The following GALNTL6 variants were observed in gnomAD, a reference collection of about 807,000 sequenced individuals.
GALNTL6 encodes polypeptide N-acetylgalactosaminyltransferase like 6.
GALNTL6 carries 46 observed loss-of-function variants against 73.7 expected under a neutral mutation model. That is an observed-to-expected ratio of 0.62 (90% CI 0.49 to 0.80). The LOEUF (loss-of-function observed/expected upper bound fraction) is 0.80, where lower values mean the gene tolerates loss of function less well. GALNTL6 is among the 30% of genes least tolerant of loss of function. The pLI, the probability that GALNTL6 is intolerant of heterozygous loss-of-function variation, is 0.00. For synonymous variants in GALNTL6, 259 were observed against 263.7 expected (o/e 0.98, Z 0.17); for missense variants, 604 against 755.0 (o/e 0.80, Z 2.34).
chr4:172,639,551 C>G lies in GALNTL6; in HGVS notation c.554-169810C>G, dbSNP rs188365001. Among the ~76,000 whole-genome samples, 370 of 152,230 alleles carry G rather than the reference C, an allele frequency of 2.4e-3. 2 individuals are homozygous for G. The highest frequency in any genetic ancestry group is 3.4e-3 in the Middle Eastern group (1 of 294). On this transcript the variant is annotated intron_variant, in intron 5 of 12. Coordinates refer to ENST00000506823, the MANE Select transcript of GALNTL6 (RefSeq NM_001034845.3). ...GTTTCTTTTCAAACAATGTTCATTA[C>G]CCCTAGAGAATCCCTAATATTGTCA...
intron 5 of GALNTL6, among the ~76,000 whole-genome samples, chr4:172,774,054 A>C (rs1369671750): frequency 6.6e-6 from 1 of 152,218 alleles, no homozygotes; most frequent in African/African-American, 2.4e-5. Context: ...GTGAAAGTTC[A>C]AGATCCTCTT....
Position 172,524,240 on chromosome 4 carries a change from C to CATTTATTT in GALNTL6, c.553+175568_553+175575dup, listed in dbSNP as rs551492279. Among the ~76,000 whole-genome samples the CATTTATTT allele has an allele frequency of 8.1e-3, 1,223 of 150,136 alleles. 8 individuals carry two copies. Among genetic ancestry groups the CATTTATTT allele is most frequent in the African/African-American group, 0.028 (1,161 of 40,844 alleles). ...TTTATTTTTATTTTTATTTTTTGCTCATTTATTTATTTATTTATTTATTTT... is the reference window on the plus strand; with the variant it reads ...TTTATTTTTATTTTTATTTTTTGCTCATTTATTTATTTATTTATTTATTTATTTATTTT... On this transcript the variant is annotated intron_variant, in intron 5 of 12. Coordinates refer to ENST00000506823, the MANE Select transcript of GALNTL6 (RefSeq NM_001034845.3).
chr4:172,964,374 T>C (rs1750229079), intron 10 of GALNTL6, among the ~76,000 whole-genome samples: 1 of 152,234 alleles, frequency 6.6e-6, no homozygotes, highest in South Asian at 2.1e-4. Context: ...CAAACGTGTC[T>C]TTTCCAACCA....
rs547352410 is a variant in GALNTL6, at chr4:172,977,758, C to T, written c.1371+25500C>T. Among the ~76,000 whole-genome samples, 8 of 152,180 alleles carry T rather than the reference C, an allele frequency of 5.3e-5. No individual in the cohort carries two copies. In the South Asian group the frequency reaches 1.2e-3, roughly 24 times the overall value. On this transcript the variant is annotated intron_variant, in intron 10 of 12. Transcript: ENST00000506823. ...TAGGAAGCATGTTCTGGGTGGTCCT[C>T]TGGGTGCACATGTGCAGTAGCTGTA...
intron 5 of GALNTL6, among the ~76,000 whole-genome samples, chr4:172,648,172 A>G (rs937455833): frequency 6.6e-6 from 1 of 152,120 alleles, no homozygotes; most frequent in Non-Finnish European, 1.5e-5. Flanking sequence ...CAGACTGGCT[A>G]TCTGCTGGCT....
chr4:172,959,031 T>C (rs953748759), intron 10 of GALNTL6, among the ~76,000 whole-genome samples: 6 of 151,850 alleles, frequency 4.0e-5, no homozygotes, highest in Non-Finnish European at 8.8e-5. Context: ...GTATGGAGAG[T>C]TTATAGGCTT....
intron 2 of GALNTL6, among the ~76,000 whole-genome samples, chr4:171,820,072 G>A (rs914069376): frequency 3.3e-5 from 5 of 151,962 alleles, no homozygotes; most frequent in African/African-American, 1.2e-4. Context: ...ATGCTTGAAT[G>A]GACAACAAAA....
At chr4:172,763,636 C>G (rs1029847461) in intron 5 of GALNTL6, among the ~76,000 whole-genome samples, 1 of 152,218 alleles carries the variant, frequency 6.6e-6, no homozygotes, top group Non-Finnish European at 1.5e-5. Flanking sequence ...GGCATCGTAT[C>G]TATGGAGCTT....
chr4:172,054,480 A>T (rs768649144), intron 2 of GALNTL6, among the ~76,000 whole-genome samples: 10 of 152,158 alleles, frequency 6.6e-5, no homozygotes, highest in Non-Finnish European at 1.3e-4. Context: ...GAGGCTAGGA[A>T]GTCTAAGATC....
intron 5 of GALNTL6, among the ~76,000 whole-genome samples, chr4:172,365,946 G>A (rs1302939522): frequency 1.3e-5 from 2 of 151,986 alleles, no homozygotes; most frequent in African/African-American, 4.8e-5. Context: ...TTATATAACT[G>A]TAAAAAAGCA....
chr4:172,503,508 G>A (rs993992965), intron 5 of GALNTL6, among the ~76,000 whole-genome samples: 2 of 105,258 alleles, frequency 1.9e-5, no homozygotes, highest in East Asian at 5.4e-4. Flanking sequence ...TATCTAGTTT[G>A]AACATGTACA....
At chr4:171,833,715 G>C (rs1471719371) in intron 2 of GALNTL6, among the ~76,000 whole-genome samples, 1 of 151,682 alleles carries the variant, frequency 6.6e-6, no homozygotes, top group African/African-American at 2.4e-5. Context: ...TTGGTGTATG[G>C]GTTTATATTA....
At chr4:171,878,801 C>A (rs1461584062) in intron 2 of GALNTL6, among the ~76,000 whole-genome samples, 1 of 152,084 alleles carries the variant, frequency 6.6e-6, no homozygotes, top group Non-Finnish European at 1.5e-5. Context: ...ATCTTGGGGG[C>A]AGTTTCTCAT....
intron 2 of GALNTL6, among the ~76,000 whole-genome samples, chr4:171,875,634 C>T (rs906968531): frequency 3.9e-5 from 6 of 151,970 alleles, no homozygotes; most frequent in Non-Finnish European, 8.8e-5. Context: ...CATTTTGCCC[C>T]GTTTCCCTTC....
intron 7 of GALNTL6, among the ~76,000 whole-genome samples, chr4:172,822,410 T>C (rs1741982066): frequency 6.6e-6 from 1 of 152,192 alleles, no homozygotes; most frequent in Admixed American, 6.5e-5. Flanking sequence ...TCATCCATCC[T>C]GAAAGAGGTG....
intron 5 of GALNTL6, among the ~76,000 whole-genome samples, chr4:172,426,916 TTA>T (rs35184907): frequency 3.6e-3 from 533 of 149,238 alleles, no homozygotes; most frequent in East Asian, 0.025. Flanking sequence ...GTAAGGACTC[TTA>T]TATATATATA....
At chr4:172,760,128 G>A (rs892149925) in intron 5 of GALNTL6, among the ~76,000 whole-genome samples, 11 of 151,652 alleles carry the variant, frequency 7.3e-5, no homozygotes, top group Admixed American at 3.3e-4. Flanking sequence ...GAGCCACCGC[G>A]CCCGGCCACC....
chr4:172,813,503 G>A (rs1741427435), intron 6 of GALNTL6, 37 bp from the exon 7 acceptor site: 1 of 1,537,070 alleles, frequency 6.5e-7, no homozygotes, highest in East Asian at 2.3e-5. Flanking sequence ...GACCTAGGCA[G>A]GCATGTCATT....
At chr4:172,360,119 A>G (rs1332122981) in intron 5 of GALNTL6, among the ~76,000 whole-genome samples, 1 of 152,212 alleles carries the variant, frequency 6.6e-6, no homozygotes, top group East Asian at 1.9e-4. Context: ...TCTTATTGCA[A>G]AAATGATCTA....
Sources: allele counts gnomAD v4.1 joint callset (sites outside exome capture counted in the v4.1 genomes callset), GRCh38; gene constraint gnomAD v4.1.1; transcripts MANE v1.5; gene names NCBI Gene and HGNC (gene_info 2026-07-23, HGNC 2026-07-21).